The following PLEKHA5 variants were observed in gnomAD, a reference collection of about 807,000 sequenced individuals.
The protein encoded by PLEKHA5 is pleckstrin homology domain containing A5.
A neutral mutation model predicts 181.9 loss-of-function variants in PLEKHA5; 55 were observed. The observed-to-expected ratio is 0.30, with a 90% CI of 0.24 to 0.38. The LOEUF is 0.38. PLEKHA5 is among the 10% of genes least tolerant of loss of function. PLEKHA5 has a pLI of 1.00. For missense variants in PLEKHA5, 1,432 were observed against 1,549.5 expected (o/e 0.92, Z 1.27); for synonymous variants, 535 against 529.4 (o/e 1.01, Z -0.15).
chr12:19,334,003 A>C (rs533559571), intron 20 of PLEKHA5, among the ~76,000 whole-genome samples: 1 of 152,204 alleles, frequency 6.6e-6, no homozygotes, highest in Non-Finnish European at 1.5e-5. Flanking sequence ...AGGTAATTGT[A>C]TATTTGAAAA....
At chr12:19,265,968 T>C in intron 8 of PLEKHA5, 118 bp downstream of exon 8, 1 of 503,610 alleles carries the variant, frequency 2.0e-6, no homozygotes, top group Non-Finnish European at 3.5e-6. Flanking sequence ...ATTTAAAATA[T>C]ATTAATTAAT....
intron 5 of PLEKHA5, among the ~76,000 whole-genome samples, chr12:19,255,683 C>T (rs1436357417): frequency 6.7e-6 from 1 of 150,288 alleles, no homozygotes; most frequent in African/African-American, 2.4e-5. Flanking sequence ...AAAATAAATC[C>T]AACAGGCTAA....
chr12:19,360,666 A>C (rs1488493475), intron 28 of PLEKHA5, among the ~76,000 whole-genome samples: 3 of 152,204 alleles, frequency 2.0e-5, no homozygotes, highest in Non-Finnish European at 4.4e-5. Context: ...TTAACTGAAA[A>C]TTTAAAACAT....
rs747095953 is a variant in PLEKHA5 at position 19,274,641 on chromosome 12, A to G, written c.971A>G (p.Glu324Gly). ...AACAAGGAAATGAGCAAAATTGAAG[A>G]AAAAAAGGCATTAGAAGCTGAAAAA... The part of the protein sequence containing the change: ...QKNKEMSKIE[E>G]KKALEAEKYG... The change falls in exon 11 of 32, where the codon GAA (glutamate) becomes GGA (glycine). Residue 324 changes from glutamate (E) to glycine (G), a missense_variant. Around this residue, in one of 2 missense-constraint regions of PLEKHA5, gnomAD observed 1,143 missense variants for 1,168.4 expected, o/e 0.98. Coordinates refer to ENST00000429027, the MANE Select transcript of PLEKHA5 (RefSeq NM_001256470.2). 54 of 1,612,054 alleles carry G rather than the reference A, an allele frequency of 3.3e-5. No homozygotes were observed. Among genetic ancestry groups the G allele is most frequent in the South Asian group, 8.8e-5 (8 of 91,030 alleles).
chr12:19,192,804 G>C (rs1261723925), intron 3 of PLEKHA5, among the ~76,000 whole-genome samples: 2 of 152,204 alleles, frequency 1.3e-5, no homozygotes, highest in Non-Finnish European at 2.9e-5. Context: ...TCAGAGGCAT[G>C]TGGTACTAAG....
At chr12:19,153,818 G>A (rs1277184360) in intron 3 of PLEKHA5, 1 of 152,132 alleles carries the variant, frequency 6.6e-6, no homozygotes, top group Non-Finnish European at 1.5e-5. Context: ...AAATTGCCCT[G>A]TAATTTTCTT....
rs1263682890 is a variant in PLEKHA5, at chr12:19,320,574, G to A, written c.2167G>A (p.Glu723Lys). The A allele has an allele frequency of 6.6e-7, 1 of 1,505,996 alleles. No homozygotes were observed. Among genetic ancestry groups the A allele is most frequent in the Non-Finnish European group, 9.2e-7 (1 of 1,092,062 alleles). The allele number at this position is 1,505,996 out of a possible 1,614,324, so 93.3% of individuals were successfully genotyped here. ...TTTTTTCTTATAGCTGTCACAAGAT[G>A]AAGGTAGAGGCACATTATACAAATA... is the stretch of plus-strand genomic sequence containing the variant. ...KISLYCLSQD[E>K]GRGTLYKYRP... The change falls in exon 18 of 32, where the codon GAA becomes AAA. Residue 723 changes from glutamate to lysine, a missense_variant. Glu to Lys is a moderately conservative substitution (Grantham distance 56, BLOSUM62 1). Coordinates refer to ENST00000429027, the MANE Select transcript of PLEKHA5 (RefSeq NM_001256470.2).
intron 30 of PLEKHA5, among the ~76,000 whole-genome samples, chr12:19,369,144 C>T (rs1344086143): frequency 1.3e-5 from 2 of 151,880 alleles, no homozygotes; most frequent in Non-Finnish European, 2.9e-5. Flanking sequence ...AAGCATTTCT[C>T]CTACCCCGGC....
intron 25 of PLEKHA5, among the ~76,000 whole-genome samples, chr12:19,352,128 A>T (rs1008816341): frequency 6.6e-6 from 1 of 151,248 alleles, no homozygotes; most frequent in Non-Finnish European, 1.5e-5. Flanking sequence ...ACGCGCTTGT[A>T]ATCCCAGCAC....
intron 26 of PLEKHA5, among the ~76,000 whole-genome samples, chr12:19,355,551 G>A (rs77867928): frequency 7.9e-5 from 12 of 151,324 alleles, no homozygotes; most frequent in Non-Finnish European, 1.6e-4. Context: ...TAGTGACGGG[G>A]TCTCTCTCTG....
chr12:19,359,264 A>G, intron 27 of PLEKHA5, 148 bp from the exon 28 acceptor site: 1 of 596,860 alleles, frequency 1.7e-6, no homozygotes, highest in Non-Finnish European at 2.9e-6. Context: ...TGCTATATAT[A>G]TAAATTTTCT....
At chr12:19,162,583 A>C (rs1303945488) in intron 3 of PLEKHA5, among the ~76,000 whole-genome samples, 1 of 152,132 alleles carries the variant, frequency 6.6e-6, no homozygotes, top group Non-Finnish European at 1.5e-5. Context: ...TAAAAAAAAA[A>C]AAAAGAGTTG....
intron 3 of PLEKHA5, among the ~76,000 whole-genome samples, chr12:19,165,970 C>T (rs1288247352): frequency 6.6e-6 from 1 of 152,008 alleles, no homozygotes; most frequent in African/African-American, 2.4e-5. Flanking sequence ...CATTTTGTTA[C>T]GAGGTTGATG....
chr12:19,290,910 A>T, intron 14 of PLEKHA5, 114 bp downstream of exon 14: 2 of 866,988 alleles, frequency 2.3e-6, no homozygotes, highest in Non-Finnish European at 3.3e-6. Context: ...TACCATCATT[A>T]TAGTGACAAC....
rs1214006674 is a variant in PLEKHA5, at chr12:19,162,542, G to A, written c.227+30092G>A. On this transcript the variant is annotated intron_variant, in intron 3 of 31. Coordinates refer to ENST00000429027, the MANE Select transcript of PLEKHA5 (RefSeq NM_001256470.2). Reference sequence around the variant, plus strand: ...ACAAATTAAAGCACAATGAAAATAAGATATAAATGAAATCAGAAGTAAGTT... The same window carrying A: ...ACAAATTAAAGCACAATGAAAATAAAATATAAATGAAATCAGAAGTAAGTT... Among the ~76,000 whole-genome samples the A allele has an allele frequency of 2.0e-5, 3 of 148,474 alleles. No homozygotes were observed. In the Admixed American group the frequency reaches 2.0e-4, roughly 10 times the overall value.
At chr12:19,279,639 G>A (rs1320098445) in intron 11 of PLEKHA5, among the ~76,000 whole-genome samples, 3 of 149,384 alleles carry the variant, frequency 2.0e-5, no homozygotes, top group Non-Finnish European at 3.0e-5. Context: ...CAGCCTGGAC[G>A]ACAGAGTGAG....
intron 12 of PLEKHA5, among the ~76,000 whole-genome samples, chr12:19,285,586 A>G (rs76723515): frequency 2.6e-5 from 4 of 152,244 alleles, no homozygotes; most frequent in African/African-American, 9.6e-5. Flanking sequence ...TTGTGTTCCT[A>G]TTTGCTCTAG....
At chr12:19,301,131 C>T (rs960305824) in intron 15 of PLEKHA5, among the ~76,000 whole-genome samples, 2 of 152,014 alleles carry the variant, frequency 1.3e-5, no homozygotes, top group East Asian at 3.9e-4. Flanking sequence ...GCCTGGGCAA[C>T]AAGAGCGAAA....
At chr12:19,329,850 G>A (rs972037235) in intron 20 of PLEKHA5, among the ~76,000 whole-genome samples, 7 of 151,850 alleles carry the variant, frequency 4.6e-5, no homozygotes, top group African/African-American at 1.5e-4. Context: ...GCTGAGGTAG[G>A]CAGATTACTT....
Sources: gnomAD v4.1 joint callset for allele counts (sites outside exome capture counted in the v4.1 genomes callset) on GRCh38, gnomAD v4.1.1 for gene constraint, gnomAD v4.1.1 regional missense constraint, MANE v1.5 for transcripts, NCBI Gene and HGNC (gene_info 2026-07-23, HGNC 2026-07-21) for gene names.